ANXA5: variants seen among roughly 807,000 people sequenced by gnomAD.
ANXA5 encodes CBP-I.
ANXA5 carries 40 observed loss-of-function variants against 48.1 expected under a neutral mutation model. The ratio of observed to expected loss-of-function variants is 0.83; its 90% CI spans 0.65 to 1.08. The LOEUF is 1.08. ANXA5 is among the 50% of genes least tolerant of loss of function. ANXA5 has a pLI of 0.00. For missense variants in ANXA5, 357 were observed against 376.8 expected, an observed-to-expected ratio of 0.95 and a Z score of 0.44; for synonymous variants, 113 against 129.1, an observed-to-expected ratio of 0.88 and a Z score of 0.85.
chr4:121,684,604 C>T, intron 4 of ANXA5, 73 bp downstream of exon 4: 1 of 1,205,756 alleles, frequency 8.3e-7, no homozygotes, highest in Non-Finnish European at 1.2e-6. Flanking sequence ...AAAAGAATAT[C>T]AGTATATTCC....
At chr4:121,679,637 C>T (rs72911848) in intron 6 of ANXA5, among the ~76,000 whole-genome samples, 94 of 152,272 alleles carry the variant, frequency 6.2e-4, no homozygotes, top group African/African-American at 1.9e-3. Context: ...TCCCTCAATA[C>T]ACTCTCCACA....
chr4:121,686,374 T>G lies in ANXA5; in HGVS notation c.10-2A>C. The G allele has an allele frequency of 6.2e-7, 1 of 1,611,928 alleles. No individual in the cohort carries two copies. Among genetic ancestry groups the G allele is most frequent in the Non-Finnish European group, 8.5e-7 (1 of 1,178,032 alleles). ...GTCAGTCACAGTGCCTCTGAGAACC[T>G]AATTCACGAAACACAGTGGTATTAT... On this transcript the variant is annotated splice_acceptor_variant, in intron 2 of 12. Coordinates refer to ENST00000296511, the MANE Select transcript of ANXA5 (RefSeq NM_001154.4). LOFTEE classifies it high-confidence loss of function.
intron 2 of ANXA5, among the ~76,000 whole-genome samples, chr4:121,694,856 C>T (rs1177747988): frequency 6.6e-6 from 1 of 152,114 alleles, no homozygotes; most frequent in African/African-American, 2.4e-5. Flanking sequence ...TGTCATAGGG[C>T]TCAGGTACAT....
intron 11 of ANXA5, 43 bp from the exon 12 acceptor site, chr4:121,669,767 C>T (rs774968537): frequency 1.4e-5 from 22 of 1,571,486 alleles, no homozygotes; most frequent in African/African-American, 6.9e-5. Context: ...TGCTTAAAAA[C>T]TTCAAACATA....
At position 121,674,745 on chromosome 4, in the gene ANXA5, T is replaced by G. The variant is rs148088761; in HGVS notation, c.532-2119A>C. On this transcript the variant is annotated intron_variant, in intron 8 of 12. Coordinates refer to ENST00000296511, the MANE Select transcript of ANXA5 (RefSeq NM_001154.4). ...CATGTAAAACAATGATATTTAACAG[T>G]TTTGTTTTAATCTAAGTATCCTTTC... 4.5e-3 allele frequency among the ~76,000 whole-genome samples: 682 copies of G among 152,306 alleles called. 6 individuals carry two copies. The highest frequency in any genetic ancestry group is 0.016 in the African/African-American group (653 of 41,562).
chr4:121,690,850 TAC>T (rs1447799258), intron 2 of ANXA5, among the ~76,000 whole-genome samples: 15 of 152,230 alleles, frequency 9.9e-5, no homozygotes, highest in Admixed American at 7.8e-4. Context: ...CTACATTCCA[TAC>T]AGTCAGAGTC....
At chr4:121,690,658 A>G (rs999391336) in intron 2 of ANXA5, among the ~76,000 whole-genome samples, 8 of 152,244 alleles carry the variant, frequency 5.3e-5, no homozygotes, top group Non-Finnish European at 1.2e-4. Context: ...GGGAGAGGTT[A>G]GAAACAGAAG....
At chr4:121,691,058 T>C (rs1164541897) in intron 2 of ANXA5, among the ~76,000 whole-genome samples, 1 of 152,170 alleles carries the variant, frequency 6.6e-6, no homozygotes, top group Non-Finnish European at 1.5e-5. Flanking sequence ...TCCCCACACT[T>C]TACCCAGATT....
At chr4:121,676,613 G>A (rs1382514526) in intron 8 of ANXA5, among the ~76,000 whole-genome samples, 2 of 148,878 alleles carry the variant, frequency 1.3e-5, no homozygotes, top group African/African-American at 4.9e-5. Flanking sequence ...GGGGGCCCAG[G>A]AAGGCAGTGA....
rs553241576 is a variant in ANXA5, at chr4:121,695,829, G to A, written c.9+752C>T. Among the ~76,000 whole-genome samples the A allele has an allele frequency of 1.5e-4, 23 of 151,912 alleles. No individual in the cohort carries two copies. The South Asian group carries it at 4.8e-3, about 32-fold the overall frequency. ...ACACGAGAATTGCTTGAACCCGGGA[G>A]GCAGAGGTTGTAGTGAGCGAGATCA... is the stretch of plus-strand genomic sequence containing the variant. On this transcript the variant is annotated intron_variant, in intron 2 of 12. Transcript: ENST00000296511.
At chr4:121,669,130 C>T (rs565892861) in intron 12 of ANXA5, among the ~76,000 whole-genome samples, 218 of 150,100 alleles carry the variant, frequency 1.5e-3, no homozygotes, top group Non-Finnish European at 2.6e-3. Context: ...TTAAAAAGAA[C>T]AAAAATGATA....
chr4:121,671,512 C>A (rs752777699), intron 10 of ANXA5, 35 bp downstream of exon 10: 20 of 1,495,264 alleles, frequency 1.3e-5, no homozygotes, highest in Non-Finnish European at 1.7e-5. Flanking sequence ...TTAGCTCTTA[C>A]CACCAAAAAT....
intron 2 of ANXA5, among the ~76,000 whole-genome samples, chr4:121,689,138 C>T (rs1326404704): frequency 1.3e-5 from 2 of 152,174 alleles, no homozygotes; most frequent in East Asian, 3.8e-4. Flanking sequence ...GAAGATGATG[C>T]TCAAAATTAG....
chr4:121,669,942 G>T lies in ANXA5; in HGVS notation c.780+12C>A. 1 of 1,579,658 alleles carries T rather than the reference G, an allele frequency of 6.3e-7. No homozygotes were observed. Among genetic ancestry groups the T allele is most frequent in the Non-Finnish European group, 8.6e-7 (1 of 1,159,232 alleles). On this transcript the variant is annotated intron_variant, in intron 11 of 12. Coordinates refer to ENST00000296511, the MANE Select transcript of ANXA5 (RefSeq NM_001154.4). Reference sequence around the variant, plus strand: ...AAATGTATTAGATAGAAGGTTCATGGTCTCCACTTACCTTCATAGCATAAT... The same window carrying T: ...AAATGTATTAGATAGAAGGTTCATGTTCTCCACTTACCTTCATAGCATAAT...
chr4:121,680,277 G>C (rs909859593), intron 6 of ANXA5, among the ~76,000 whole-genome samples: 3 of 152,038 alleles, frequency 2.0e-5, no homozygotes, highest in Non-Finnish European at 4.4e-5. Flanking sequence ...CTGTGTTTGT[G>C]TGTGTGTGTG....
chr4:121,695,261 G>C (rs1725059530), intron 2 of ANXA5, among the ~76,000 whole-genome samples: 1 of 152,172 alleles, frequency 6.6e-6, no homozygotes, highest in African/African-American at 2.4e-5. Context: ...TTGGTTTACT[G>C]TAACATTTAA....
chr4:121,688,531 G>A (rs180865530), intron 2 of ANXA5, among the ~76,000 whole-genome samples: 4 of 152,218 alleles, frequency 2.6e-5, no homozygotes, highest in Admixed American at 2.0e-4. Flanking sequence ...GACTTACATT[G>A]TAGTATTCTT....
At chr4:121,668,663 G>T in intron 12 of ANXA5, 136 bp from the exon 13 acceptor site, 1 of 703,784 alleles carries the variant, frequency 1.4e-6, no homozygotes, top group Non-Finnish European at 2.5e-6. Context: ...TTCACATCAG[G>T]AATGTTATGC....
intron 8 of ANXA5, among the ~76,000 whole-genome samples, chr4:121,673,172 A>AT (rs1724639920): frequency 6.6e-6 from 1 of 152,236 alleles, no homozygotes; most frequent in African/African-American, 2.4e-5. Flanking sequence ...GATTGTGGGT[A>AT]TAGCACAGTG....
Sources: allele counts gnomAD v4.1 joint callset (sites outside exome capture counted in the v4.1 genomes callset), GRCh38; gene constraint gnomAD v4.1.1; transcripts MANE v1.5; gene names NCBI Gene and HGNC (gene_info 2026-07-23, HGNC 2026-07-21).